HIVEP1: variants seen among roughly 807,000 people sequenced by gnomAD.
The protein encoded by HIVEP1 is HIVEP zinc finger 1, also known as zinc finger protein 40.
Under a neutral mutation model 180.0 loss-of-function variants are expected in HIVEP1, and 36 were observed. That is an observed-to-expected ratio of 0.20 (90% CI 0.15 to 0.26). The LOEUF is 0.26. HIVEP1 is among the 10% of genes least tolerant of loss of function. The pLI is 1.00. For missense variants in HIVEP1, 3,143 were observed against 3,268.7 expected (o/e 0.96, Z 0.94); for synonymous variants, 1,239 against 1,239.0 (o/e 1.00, Z 0.00).
intron 7 of HIVEP1, among the ~76,000 whole-genome samples, chr6:12,156,201 G>A (rs1581799230): frequency 1.3e-5 from 2 of 152,122 alleles, no homozygotes; most frequent in Admixed American, 6.5e-5. Context: ...TGTAGGTTGT[G>A]TGTTCACTCT....
At chr6:12,180,282 A>T in the HIVEP1 span, among the ~76,000 whole-genome samples, 1 of 152,186 alleles carries the variant, frequency 6.6e-6, no homozygotes, top group Non-Finnish European at 1.5e-5. Flanking sequence ...TTTTCTAACT[A>T]CAGGCCCATT....
chr6:12,026,894 T>C (rs1362589865), intron 2 of HIVEP1, among the ~76,000 whole-genome samples: 1 of 152,206 alleles, frequency 6.6e-6, no homozygotes, highest in African/African-American at 2.4e-5. Flanking sequence ...ACAAGGTGGT[T>C]AGGGGTTGGT....
chr6:12,036,179 C>T (rs1255030526), intron 2 of HIVEP1, among the ~76,000 whole-genome samples: 1 of 152,202 alleles, frequency 6.6e-6, no homozygotes, highest in Non-Finnish European at 1.5e-5. Flanking sequence ...GGAAATAATT[C>T]AGCTGAAGCA....
intron 2 of HIVEP1, among the ~76,000 whole-genome samples, chr6:12,064,079 G>A (rs756108791): frequency 1.6e-4 from 25 of 152,082 alleles, no homozygotes; most frequent in Non-Finnish European, 2.9e-4. Flanking sequence ...CAGGTTTCTG[G>A]CCTTGACCCT....
chr6:12,146,579 G>T (rs1759387034), intron 7 of HIVEP1, among the ~76,000 whole-genome samples: 1 of 152,140 alleles, frequency 6.6e-6, no homozygotes. Context: ...GTCAGTATAG[G>T]TATTGTTAAT....
chr6:12,098,871 A>G (rs1773927885), intron 3 of HIVEP1, among the ~76,000 whole-genome samples: 2 of 152,208 alleles, frequency 1.3e-5, no homozygotes, highest in African/African-American at 2.4e-5. Context: ...TATTTTGTGG[A>G]GCTATGCTAT....
chr6:12,065,554 C>G (rs1771512289), intron 2 of HIVEP1, among the ~76,000 whole-genome samples: 1 of 152,204 alleles, frequency 6.6e-6, no homozygotes, highest in Non-Finnish European at 1.5e-5. Context: ...GGAGGCAAAT[C>G]TGCCTGGGTT....
intron 7 of HIVEP1, among the ~76,000 whole-genome samples, chr6:12,146,613 A>T (rs959122895): frequency 6.6e-6 from 1 of 152,078 alleles, no homozygotes; most frequent in African/African-American, 2.4e-5. Context: ...TTGTTTATTA[A>T]TTTGTTATTT....
the HIVEP1 span, among the ~76,000 whole-genome samples, chr6:12,202,223 C>T: frequency 2.6e-5 from 4 of 152,018 alleles, no homozygotes; most frequent in Admixed American, 6.6e-5. Flanking sequence ...GGTGCGATCA[C>T]GGCTCACTGC....
downstream of HIVEP1, among the ~76,000 whole-genome samples, chr6:12,167,764 T>C (rs1344284421): frequency 2.1e-5 from 3 of 140,516 alleles, no homozygotes; most frequent in Non-Finnish European, 4.7e-5. Context: ...AATATATACA[T>C]GTACATGTGT....
chr6:12,041,318 A>T (rs1297011262), intron 2 of HIVEP1, among the ~76,000 whole-genome samples: 1 of 146,468 alleles, frequency 6.8e-6, no homozygotes, highest in Non-Finnish European at 1.5e-5. Flanking sequence ...GTTACTTGGG[A>T]GGCTGAGGCA....
At chr6:12,126,571 A>C (rs191884728) in intron 4 of HIVEP1, among the ~76,000 whole-genome samples, 1 of 152,352 alleles carries the variant, frequency 6.6e-6, no homozygotes, top group East Asian at 1.9e-4. Context: ...CTTGATTAGA[A>C]TAATAGGTAA....
chr6:12,059,798 C>G (rs1370443952), intron 2 of HIVEP1, among the ~76,000 whole-genome samples: 1 of 152,122 alleles, frequency 6.6e-6, no homozygotes, highest in Non-Finnish European at 1.5e-5. Flanking sequence ...GAGTGGCCCT[C>G]CATGAAAATG....
the HIVEP1 span, among the ~76,000 whole-genome samples, chr6:12,202,398 CA>C: frequency 6.6e-6 from 1 of 152,124 alleles, no homozygotes; most frequent in Non-Finnish European, 1.5e-5. Context: ...CTTGGCCTCT[CA>C]AAGTGCTAAA....
At chr6:12,009,112 C>CGTGGCGGTGGCGGCG (rs1554129182), upstream of HIVEP1, among the ~76,000 whole-genome samples, 2 of 141,910 alleles carry the variant, frequency 1.4e-5, no homozygotes, top group African/African-American at 2.5e-5. Context: ...GGGATCTCCG[C>CGTGGCGGTGGCGGCG]GTGGCGGTGG....
intron 3 of HIVEP1, among the ~76,000 whole-genome samples, chr6:12,098,144 TTATAA>T (rs1367552473): frequency 1.3e-5 from 2 of 152,224 alleles, no homozygotes; most frequent in African/African-American, 4.8e-5. Flanking sequence ...CACAGTGCTC[TTATAA>T]TTGATTAGAA....
chr6:12,016,927 C>T (rs1269881735), intron 2 of HIVEP1, among the ~76,000 whole-genome samples: 3 of 152,128 alleles, frequency 2.0e-5, no homozygotes, highest in African/African-American at 7.2e-5. Context: ...TTTATCTGTC[C>T]AGGGAGGGCA....
At chr6:12,069,494 T>C (rs1771821146) in intron 2 of HIVEP1, among the ~76,000 whole-genome samples, 1 of 147,400 alleles carries the variant, frequency 6.8e-6, no homozygotes, top group African/African-American at 2.5e-5. Context: ...AGTACGCATA[T>C]TCTCACTCAT....
chr6:12,066,892 A>G (rs539511596), intron 2 of HIVEP1, among the ~76,000 whole-genome samples: 119 of 152,126 alleles, frequency 7.8e-4, no homozygotes, highest in African/African-American at 2.7e-3. Flanking sequence ...GTATATATAT[A>G]TACACACACA....
Sources: allele counts gnomAD v4.1 joint callset (sites outside exome capture counted in the v4.1 genomes callset), GRCh38; gene constraint gnomAD v4.1.1; transcripts MANE v1.5; gene names NCBI Gene and HGNC (gene_info 2026-07-23, HGNC 2026-07-21).